Variants in TTC33 observed in about 807,000 individuals in gnomAD.
TTC33 encodes tetratricopeptide repeat protein 33.
A neutral mutation model predicts 29.4 loss-of-function variants in TTC33; 24 were observed. The observed-to-expected ratio is 0.82, with a 90% CI of 0.59 to 1.15. The LOEUF (loss-of-function observed/expected upper bound fraction) is 1.15, where lower values mean the gene tolerates loss of function less well. TTC33 is among the 50% of genes most tolerant of loss of function. The pLI, the probability that TTC33 is intolerant of heterozygous loss-of-function variation, is 0.00. For missense variants in TTC33, 286 were observed against 310.4 expected, an observed-to-expected ratio of 0.92 and a Z score of 0.59; for synonymous variants, 107 against 100.3, an observed-to-expected ratio of 1.07 and a Z score of -0.40.
intron 2 of TTC33, among the ~76,000 whole-genome samples, chr5:40,745,920 C>T (rs975457222): frequency 2.4e-4 from 36 of 151,954 alleles, no homozygotes; most frequent in African/African-American, 8.2e-4. Context: ...TTCTTTAATA[C>T]AGATTTGAAA....
intron 4 of TTC33, among the ~76,000 whole-genome samples, chr5:40,719,148 C>A (rs1742072475): frequency 6.6e-6 from 1 of 152,136 alleles, no homozygotes; most frequent in Non-Finnish European, 1.5e-5. Flanking sequence ...ACAGCCATCA[C>A]CCATAATCAA....
chr5:40,739,593 C>T (rs1742650577), intron 2 of TTC33, among the ~76,000 whole-genome samples: 1 of 152,178 alleles, frequency 6.6e-6, no homozygotes, highest in African/African-American at 2.4e-5. Flanking sequence ...CTTCCTCCTG[C>T]TCCAGCCATG....
intron 2 of TTC33, among the ~76,000 whole-genome samples, chr5:40,733,672 A>C (rs1466724525): frequency 1.3e-5 from 2 of 152,166 alleles, no homozygotes; most frequent in African/African-American, 4.8e-5. Context: ...ACATTCTTCA[A>C]GGCAAAGAGC....
intron 4 of TTC33, among the ~76,000 whole-genome samples, chr5:40,722,132 G>C (rs1742147637): frequency 6.6e-6 from 1 of 151,528 alleles, no homozygotes; most frequent in Admixed American, 6.6e-5. Context: ...TTAAACCCGG[G>C]AGGCGGAGGT....
At chr5:40,732,395 T>G (rs190533339) in intron 2 of TTC33, among the ~76,000 whole-genome samples, 1 of 151,790 alleles carries the variant, frequency 6.6e-6, no homozygotes, top group Non-Finnish European at 1.5e-5. Flanking sequence ...GTCCAAGTCC[T>G]GCAAAAGACA....
chr5:40,743,570 C>T (rs910176453), intron 2 of TTC33, among the ~76,000 whole-genome samples: 1 of 151,592 alleles, frequency 6.6e-6, no homozygotes, highest in Non-Finnish European at 1.5e-5. Context: ...GTCAGGGGTT[C>T]AAGACCAGCC....
rs1055047735 is a variant in TTC33, at chr5:40,752,611, T to A, written c.-2+3213A>T. ...GTGGTACAGCATTCAAAACACACAT[T>A]TATTGATTAAGTTCACCATCTCATA... is the stretch of plus-strand genomic sequence containing the variant. On this transcript the variant is annotated intron_variant, in intron 1 of 4. Coordinates refer to ENST00000337702, the MANE Select transcript of TTC33 (RefSeq NM_012382.3). Among the ~76,000 whole-genome samples, 2 of 152,286 alleles carry A rather than the reference T, an allele frequency of 1.3e-5. 1 individual carries two copies.
At chr5:40,741,850 G>T (rs531861371) in intron 2 of TTC33, among the ~76,000 whole-genome samples, 1 of 152,010 alleles carries the variant, frequency 6.6e-6, no homozygotes, top group African/African-American at 2.4e-5. Flanking sequence ...TTAGCCAGGC[G>T]TGGTGGCACA....
chr5:40,727,385 T>C (rs7727833), intron 4 of TTC33, among the ~76,000 whole-genome samples: 2,426 of 152,318 alleles, frequency 0.016, 61 homozygotes, highest in African/African-American at 0.055. Context: ...ATCAGGTGTA[T>C]ATAGCCCTGC....
At chr5:40,729,030 T>C (rs537098910) in intron 3 of TTC33, among the ~76,000 whole-genome samples, 1 of 152,280 alleles carries the variant, frequency 6.6e-6, no homozygotes, top group East Asian at 1.9e-4. Context: ...TACCCTCCAC[T>C]GTGGTCTGTG....
At position 40,714,241 on chromosome 5, in the gene TTC33, C is replaced by CA. The variant is rs1240362105; in HGVS notation, c.*1903dup. ...TTACTTTCAGATAAGGAAAGGATTA[C>CA]AAAAAAAGTTCTCCTTTTTTAAAAT... is the stretch of plus-strand genomic sequence containing the variant. On this transcript the variant is annotated 3_prime_UTR_variant, in exon 5 of 5. Coordinates refer to ENST00000337702, the MANE Select transcript of TTC33 (RefSeq NM_012382.3). 2.0e-5 allele frequency among the ~76,000 whole-genome samples: 3 copies of CA among 152,040 alleles called. No individual in the cohort carries two copies. Among genetic ancestry groups the CA allele is most frequent in the Non-Finnish European group, 2.9e-5 (2 of 67,990 alleles).
At chr5:40,719,422 A>C (rs1742078910) in intron 4 of TTC33, among the ~76,000 whole-genome samples, 1 of 152,132 alleles carries the variant, frequency 6.6e-6, no homozygotes, top group Non-Finnish European at 1.5e-5. Flanking sequence ...CATTGTATGG[A>C]TATACCACAT....
In TTC33 at chr5:40,716,088, T is replaced by C; in HGVS notation, c.*57A>G. ...TATCTCCAGAGTAAATGTCTCTATG[T>C]CAAAACTTCAAGAGGCAATCAAAAA... On this transcript the variant is annotated 3_prime_UTR_variant, in exon 5 of 5. Coordinates refer to ENST00000337702, the MANE Select transcript of TTC33 (RefSeq NM_012382.3). 1 of 1,406,970 alleles carries C rather than the reference T, an allele frequency of 7.1e-7. No homozygotes were observed. The highest frequency in any genetic ancestry group is 9.6e-7 in the Non-Finnish European group (1 of 1,042,824). 87.2% of individuals were successfully genotyped at this position (1,406,970 alleles called of 1,614,324 possible).
chr5:40,723,814 G>T (rs575872539), intron 4 of TTC33, among the ~76,000 whole-genome samples: 7 of 151,690 alleles, frequency 4.6e-5, no homozygotes, highest in African/African-American at 1.7e-4. Context: ...ACAGTGAGCC[G>T]AGATCACACC....
At chr5:40,750,084 T>C (rs1048726804) in intron 1 of TTC33, among the ~76,000 whole-genome samples, 2 of 80,128 alleles carry the variant, frequency 2.5e-5, no homozygotes, top group Non-Finnish European at 5.0e-5. Flanking sequence ...CGAAACTCCA[T>C]CTCAAAAAAA....
chr5:40,750,099 A>G (rs1377087462), intron 1 of TTC33, among the ~76,000 whole-genome samples: 1 of 152,226 alleles, frequency 6.6e-6, no homozygotes, highest in Admixed American at 6.5e-5. Context: ...AAAAAAAAAA[A>G]AAAAGTACAT....
At chr5:40,736,247 T>C (rs76129436) in intron 2 of TTC33, among the ~76,000 whole-genome samples, 1 of 152,324 alleles carries the variant, frequency 6.6e-6, no homozygotes, top group Non-Finnish European at 1.5e-5. Flanking sequence ...ACTGTATCTA[T>C]GTTTTTCCAC....
At chr5:40,722,212 T>C (rs1337561509) in intron 4 of TTC33, among the ~76,000 whole-genome samples, 1 of 151,252 alleles carries the variant, frequency 6.6e-6, no homozygotes, top group East Asian at 2.0e-4. Flanking sequence ...CTCAACTCGC[T>C]CACTCAGTGC....
intron 4 of TTC33, among the ~76,000 whole-genome samples, chr5:40,723,409 G>C (rs1382645421): frequency 6.8e-6 from 1 of 147,972 alleles, no homozygotes; most frequent in African/African-American, 2.5e-5. Context: ...CCTTCTCCGA[G>C]AAACACCCAA....
Sources: allele counts gnomAD v4.1 joint callset (sites outside exome capture counted in the v4.1 genomes callset), GRCh38; gene constraint gnomAD v4.1.1; transcripts MANE v1.5; gene names NCBI Gene and HGNC (gene_info 2026-07-23, HGNC 2026-07-21).